The following SERPINE3 variants were observed in gnomAD, a reference collection of about 807,000 sequenced individuals.
SERPINE3 encodes the protein serpin E3.
Under a neutral mutation model 41.7 loss-of-function variants are expected in SERPINE3, and 43 were observed. The ratio of observed to expected loss-of-function variants is 1.03; its 90% CI spans 0.81 to 1.33. The LOEUF (loss-of-function observed/expected upper bound fraction) is 1.33. Among genes scored for constraint, SERPINE3 ranks in the 40% most tolerant of loss-of-function variants. The probability of loss-of-function intolerance (pLI) is 0.00; values close to 1 mark genes in which losing one functional copy is unlikely to be tolerated. For synonymous variants in SERPINE3, 200 were observed against 192.2 expected, an observed-to-expected ratio of 1.04 and a Z score of -0.34; for missense variants, 440 against 491.7, an observed-to-expected ratio of 0.89 and a Z score of 0.99.
At chr13:51,363,293 C>G (rs1955619184) in intron 9 of SERPINE3, 1 of 151,858 alleles carries the variant, frequency 6.6e-6, no homozygotes, top group Non-Finnish European at 1.5e-5. Context: ...AATCCAAAAC[C>G]AGTTCCACAA....
intron 3 of SERPINE3, 31 bp from the exon 4 acceptor site, chr13:51,344,221 T>C (rs1285118860): frequency 6.4e-7 from 1 of 1,557,066 alleles, no homozygotes; most frequent in African/African-American, 1.4e-5. Context: ...ACACTCACCA[T>C]TGTCAACTTA....
At chr13:51,362,147 T>C in intron 9 of SERPINE3, 1 of 1,121,862 alleles carries the variant, frequency 8.9e-7, no homozygotes, top group Non-Finnish European at 1.2e-6. Flanking sequence ...ATTTTTTTTT[T>C]TAATGCTATA....
At chr13:51,358,819 T>C (rs560705279) in intron 7 of SERPINE3, among the ~76,000 whole-genome samples, 3 of 152,066 alleles carry the variant, frequency 2.0e-5, no homozygotes, top group Non-Finnish European at 4.4e-5. Context: ...TTGCTTTGTA[T>C]ATAGAATGTT....
chr13:51,346,122 A>G (rs536660052), intron 4 of SERPINE3, among the ~76,000 whole-genome samples: 59 of 152,364 alleles, frequency 3.9e-4, no homozygotes, highest in African/African-American at 1.2e-3. Context: ...TAAAGCACTT[A>G]GAACAGAGCC....
At chr13:51,362,589 T>TG (rs1163773080) in intron 9 of SERPINE3, 4 of 152,512 alleles carry the variant, frequency 2.6e-5, no homozygotes, top group Non-Finnish European at 5.9e-5. Flanking sequence ...TAAGAGTTGT[T>TG]GGCAAGTCTA....
Position 51,348,243 on chromosome 13 carries a change from T to G in SERPINE3, c.731T>G (p.Val244Gly), listed in dbSNP as rs890343187. The change falls in exon 6 of 10, where the codon GTG becomes GGG. Residue 244 changes from valine to glycine, a missense_variant. Physicochemically the swap from Val to Gly is moderately radical, Grantham distance 109. Transcript: ENST00000681248. ...GQFQDTAGHQ[V>G]GVLELPYLGS... Reference sequence around the variant, plus strand: ...TTCCAGGACACTGCAGGCCATCAGGTGGGGGTGCTGGAGCTTCCTTACCTG... The same window carrying G: ...TTCCAGGACACTGCAGGCCATCAGGGGGGGGTGCTGGAGCTTCCTTACCTG... 4 of 1,600,680 alleles carry G rather than the reference T, an allele frequency of 2.5e-6. No individual in the cohort carries two copies. The highest frequency in any genetic ancestry group is 3.4e-6 in the Non-Finnish European group (4 of 1,173,634).
chr13:51,354,984 T>A, intron 6 of SERPINE3, 59 bp from the exon 7 acceptor site: 1 of 810,174 alleles, frequency 1.2e-6, no homozygotes, highest in Non-Finnish European at 2.1e-6. Flanking sequence ...TCATGTGGTG[T>A]GTATGAAAGT....
At position 51,349,749 on chromosome 13, in the gene SERPINE3, G is replaced by T. The variant is rs114270579; in HGVS notation, c.899+1338G>T. Reference sequence around the variant, plus strand: ...TTTGAAAACTGAAAAACACTGGCAGGCAGGGAAGGCAAGGCAAGGCAGAAA... The same window carrying T: ...TTTGAAAACTGAAAAACACTGGCAGTCAGGGAAGGCAAGGCAAGGCAGAAA... On this transcript the variant is annotated intron_variant, in intron 6 of 9. Transcript: ENST00000681248. Among the ~76,000 whole-genome samples the T allele has an allele frequency of 1.4e-3, 207 of 152,266 alleles. 1 individual carries two copies. The highest frequency in any genetic ancestry group is 4.9e-3 in the African/African-American group (202 of 41,558).
chr13:51,343,913 C>G (rs1955318564), intron 3 of SERPINE3, among the ~76,000 whole-genome samples: 1 of 152,218 alleles, frequency 6.6e-6, no homozygotes, highest in South Asian at 2.1e-4. Context: ...CCTAGAATCT[C>G]TACTCCAACA....
At chr13:51,348,464 C>A (rs1955373362) in intron 6 of SERPINE3, 53 bp downstream of exon 6, 3 of 1,504,230 alleles carry the variant, frequency 2.0e-6, no homozygotes, top group Admixed American at 1.7e-5. Flanking sequence ...GTCAGAAGAG[C>A]GTGGATTTGC....
rs919293831 is a variant in SERPINE3 at position 51,341,457 on chromosome 13, C to G, written c.256+110C>G. 1.5e-5 allele frequency: 16 copies of G among 1,075,964 alleles called. 1 individual carries two copies. In the South Asian group the frequency reaches 2.5e-4, roughly 17 times the overall value. The allele number at this position is 1,075,964 out of a possible 1,614,324, so 66.7% of individuals were successfully genotyped here. ...CACTCACTCTCTCCAGCTTACCCTG[C>G]TGCTCATACTCACACTCACTCTCTC... On this transcript the variant is annotated intron_variant, in intron 3 of 9. Transcript: ENST00000681248.
intron 9 of SERPINE3, chr13:51,362,866 A>G (rs528690259): frequency 2.6e-5 from 4 of 152,518 alleles, no homozygotes; most frequent in East Asian, 1.9e-4. Flanking sequence ...CATTCACTAG[A>G]AAATAATCTA....
At position 51,347,014 on chromosome 13, in the gene SERPINE3, C is replaced by G. The variant is rs771652780; in HGVS notation, c.491-11C>G. ...ATTTAACCCATGGCCACCTTGCTTT[C>G]CTGCTTGCAGGTGGGGGCCCCAGTG... On this transcript the variant is annotated splice_polypyrimidine_tract_variant and intron_variant, in intron 4 of 9. Coordinates refer to ENST00000681248, the MANE Select transcript of SERPINE3 (RefSeq NM_001386375.1). 6.4e-7 allele frequency: 1 copy of G among 1,564,168 alleles called. No individual in the cohort carries two copies.
intron 6 of SERPINE3, chr13:51,348,654 AAG>A (rs1955375100): frequency 2.0e-6 from 1 of 493,596 alleles, no homozygotes; most frequent in Non-Finnish European, 3.6e-6. Flanking sequence ...TTTCCAAGAC[AAG>A]ATATTCTGCC....
At chr13:51,342,102 C>T (rs576827648) in intron 3 of SERPINE3, among the ~76,000 whole-genome samples, 1 of 151,052 alleles carries the variant, frequency 6.6e-6, no homozygotes, top group Non-Finnish European at 1.5e-5. Flanking sequence ...TCTACCAACT[C>T]CAGCTAAAAC....
At chr13:51,350,029 CAA>C (rs1419683968) in intron 6 of SERPINE3, among the ~76,000 whole-genome samples, 1 of 152,170 alleles carries the variant, frequency 6.6e-6, no homozygotes, top group African/African-American at 2.4e-5. Context: ...ACGGTAGACA[CAA>C]AGTCAGCTTT....
At chr13:51,363,108 TC>T (rs1385286113) in intron 9 of SERPINE3, 1 of 151,900 alleles carries the variant, frequency 6.6e-6, no homozygotes, top group Non-Finnish European at 1.5e-5. Context: ...AACAGAAAGG[TC>T]ATTGCCAAAA....
intron 7 of SERPINE3, among the ~76,000 whole-genome samples, chr13:51,360,711 C>G (rs754029136): frequency 4.6e-5 from 7 of 152,012 alleles, no homozygotes; most frequent in Non-Finnish European, 8.8e-5. Context: ...ATACAGAATA[C>G]AGTCATGCAA....
chr13:51,359,329 C>T (rs1297913400), intron 7 of SERPINE3, among the ~76,000 whole-genome samples: 1 of 152,050 alleles, frequency 6.6e-6, no homozygotes, highest in Admixed American at 6.6e-5. Flanking sequence ...AGATGACTCC[C>T]ATATTCTCAT....
Sources: allele counts gnomAD v4.1 joint callset (sites outside exome capture counted in the v4.1 genomes callset), GRCh38; gene constraint gnomAD v4.1.1; transcripts MANE v1.5; gene names NCBI Gene and HGNC (gene_info 2026-07-23, HGNC 2026-07-21).